The following LRCH1 variants were observed in gnomAD, a reference collection of about 807,000 sequenced individuals.
LRCH1 encodes the protein leucine-rich repeat and calponin homology domain-containing protein 1.
Under a neutral mutation model 94.9 loss-of-function variants are expected in LRCH1, and 23 were observed. The ratio of observed to expected loss-of-function variants is 0.24; its 90% CI spans 0.17 to 0.34. The LOEUF is 0.34. Among genes scored for constraint, LRCH1 ranks in the 10% least tolerant of loss-of-function variants. The pLI, the probability that LRCH1 is intolerant of heterozygous loss-of-function variation, is 1.00. For missense variants in LRCH1, 790 were observed against 945.9 expected (o/e 0.84, Z 2.16); for synonymous variants, 364 against 354.9 (o/e 1.03, Z -0.29).
At chr13:46,630,488 T>C (rs946352970) in intron 1 of LRCH1, among the ~76,000 whole-genome samples, 4 of 152,234 alleles carry the variant, frequency 2.6e-5, no homozygotes, top group Admixed American at 6.5e-5. Context: ...AAGATGTATG[T>C]CTTTCTTATT....
intron 1 of LRCH1, among the ~76,000 whole-genome samples, chr13:46,571,876 G>A (rs1178855670): frequency 1.3e-5 from 2 of 151,836 alleles, no homozygotes; most frequent in Non-Finnish European, 2.9e-5. Context: ...TGGGGTATGT[G>A]TGTGTGAGAG....
At chr13:46,708,316 C>T (rs888150334) in intron 13 of LRCH1, among the ~76,000 whole-genome samples, 3 of 133,536 alleles carry the variant, frequency 2.2e-5, no homozygotes, top group East Asian at 2.2e-4. Context: ...TCGCTCTTGT[C>T]GCCCAGGTTG....
intron 1 of LRCH1, among the ~76,000 whole-genome samples, chr13:46,633,632 C>T (rs1377912826): frequency 1.3e-5 from 2 of 152,150 alleles, no homozygotes; most frequent in Non-Finnish European, 2.9e-5. Flanking sequence ...CTTTTCCTAG[C>T]TCATTTTCTT....
At chr13:46,628,413 A>G (rs1460784168) in intron 1 of LRCH1, among the ~76,000 whole-genome samples, 1 of 152,082 alleles carries the variant, frequency 6.6e-6, no homozygotes, top group African/African-American at 2.4e-5. Flanking sequence ...TGAGGTGGGC[A>G]GGTCACAAGG....
intron 1 of LRCH1, among the ~76,000 whole-genome samples, chr13:46,573,010 G>A (rs1719182964): frequency 6.6e-6 from 1 of 152,152 alleles, no homozygotes; most frequent in African/African-American, 2.4e-5. Context: ...AAAGAGAAAT[G>A]ATAATAGCAC....
intron 1 of LRCH1, among the ~76,000 whole-genome samples, chr13:46,645,897 A>G (rs2051214737): frequency 6.6e-6 from 1 of 152,224 alleles, no homozygotes; most frequent in South Asian, 2.1e-4. Context: ...TTTTCATTCA[A>G]TTAGATAGTA....
At chr13:46,595,172 G>T (rs1017415679) in intron 1 of LRCH1, among the ~76,000 whole-genome samples, 1 of 152,160 alleles carries the variant, frequency 6.6e-6, no homozygotes, top group African/African-American at 2.4e-5. Context: ...TACCCATCGA[G>T]AACCCTATTC....
chr13:46,649,447 C>T (rs960764832), intron 1 of LRCH1, among the ~76,000 whole-genome samples: 8 of 152,068 alleles, frequency 5.3e-5, no homozygotes, highest in African/African-American at 9.7e-5. Flanking sequence ...TACTGTAGGC[C>T]GTACTGTATG....
chr13:46,562,134 T>A (rs1221029634), intron 1 of LRCH1, among the ~76,000 whole-genome samples: 1 of 152,204 alleles, frequency 6.6e-6, no homozygotes, highest in Non-Finnish European at 1.5e-5. Flanking sequence ...TCCATCATCT[T>A]GGATCTACCC....
intron 1 of LRCH1, among the ~76,000 whole-genome samples, chr13:46,590,187 A>C (rs1243180757): frequency 6.6e-6 from 1 of 152,144 alleles, no homozygotes; most frequent in African/African-American, 2.4e-5. Context: ...GAAAGTCACA[A>C]TATTGGAAGG....
At chr13:46,702,374 C>T (rs982763769) in intron 11 of LRCH1, among the ~76,000 whole-genome samples, 8 of 152,034 alleles carry the variant, frequency 5.3e-5, no homozygotes, top group Non-Finnish European at 1.0e-4. Flanking sequence ...TAGTGCCATG[C>T]GCCTGTAATC....
chr13:46,672,577 C>T (rs1424763387), intron 3 of LRCH1, among the ~76,000 whole-genome samples: 1 of 152,166 alleles, frequency 6.6e-6, no homozygotes, highest in African/African-American at 2.4e-5. Context: ...TCCTCAAATA[C>T]CCTTTGTCAG....
chr13:46,595,093 C>T (rs1034488812), intron 1 of LRCH1, among the ~76,000 whole-genome samples: 21 of 151,960 alleles, frequency 1.4e-4, no homozygotes, highest in Non-Finnish European at 1.2e-4. Flanking sequence ...TTGCTTTTTG[C>T]CCTGGTCACT....
At chr13:46,566,730 A>G (rs1379549987) in intron 1 of LRCH1, among the ~76,000 whole-genome samples, 1 of 152,208 alleles carries the variant, frequency 6.6e-6, no homozygotes, top group Non-Finnish European at 1.5e-5. Context: ...GCAGATGAGA[A>G]TCAAGCCTAT....
intron 17 of LRCH1, among the ~76,000 whole-genome samples, chr13:46,724,985 A>C (rs903200330): frequency 6.6e-6 from 1 of 152,354 alleles, no homozygotes; most frequent in East Asian, 1.9e-4. Flanking sequence ...TTGGATAAAG[A>C]AAATGTGGTA....
chr13:46,749,010 C>A (rs1874019127), downstream of LRCH1, among the ~76,000 whole-genome samples: 1 of 152,092 alleles, frequency 6.6e-6, no homozygotes, highest in African/African-American at 2.4e-5. Context: ...GCACAGAGTG[C>A]CTGTGTCTCC....
At chr13:46,575,532 G>A (rs1197282757) in intron 1 of LRCH1, among the ~76,000 whole-genome samples, 1 of 149,104 alleles carries the variant, frequency 6.7e-6, no homozygotes, top group Non-Finnish European at 1.5e-5. Context: ...GTGTGTGTGT[G>A]TGTGTGTGTG....
intron 11 of LRCH1, among the ~76,000 whole-genome samples, chr13:46,702,250 C>G (rs1168322693): frequency 6.6e-6 from 1 of 152,072 alleles, no homozygotes; most frequent in Non-Finnish European, 1.5e-5. Context: ...ACCTGTGATC[C>G]CAGCACTTTG....
rs146567951 is a variant in LRCH1, at chr13:46,658,499, G to A, written c.452+8154G>A. On this transcript the variant is annotated intron_variant, in intron 2 of 19. Coordinates refer to ENST00000389797, the MANE Select transcript of LRCH1 (RefSeq NM_001164211.2). ...TCTTTTTATTTTCATTTTTGGTGATGGGCAGGGTCTTGCTCCATCACTCAG... is the reference window on the plus strand; with the variant it reads ...TCTTTTTATTTTCATTTTTGGTGATAGGCAGGGTCTTGCTCCATCACTCAG... 3.0e-3 allele frequency among the ~76,000 whole-genome samples: 464 copies of A among 152,190 alleles called. 8 individuals are homozygous for A. The highest frequency in any genetic ancestry group is 0.011 in the African/African-American group (442 of 41,504).
Sources: gnomAD v4.1 joint callset for allele counts (sites outside exome capture counted in the v4.1 genomes callset) on GRCh38, gnomAD v4.1.1 for gene constraint, MANE v1.5 for transcripts, NCBI Gene and HGNC (gene_info 2026-07-23, HGNC 2026-07-21) for gene names.